Variants in MMEL1 observed in about 807,000 individuals in gnomAD.
MMEL1 encodes membrane metallo-endopeptidase-like 1.
A neutral mutation model predicts 117.1 loss-of-function variants in MMEL1; 98 were observed. The ratio of observed to expected loss-of-function variants is 0.84; its 90% CI spans 0.71 to 0.99. The LOEUF (loss-of-function observed/expected upper bound fraction) is 0.99, where lower values mean the gene tolerates loss of function less well. Ranked by LOEUF, MMEL1 falls within the 50% of genes least tolerant of loss-of-function variation. MMEL1 has a pLI of 0.00. For synonymous variants in MMEL1, 390 were observed against 415.1 expected, an observed-to-expected ratio of 0.94 and a Z score of 0.74; for missense variants, 1,014 against 1,049.1, an observed-to-expected ratio of 0.97 and a Z score of 0.46.
At chr1:2,613,106 T>C (rs756765230) in intron 2 of MMEL1, among the ~76,000 whole-genome samples, 2 of 152,196 alleles carry the variant, frequency 1.3e-5, no homozygotes, top group Admixed American at 6.5e-5. Context: ...GGATGATGAC[T>C]GTGAGCCAGG....
intron 2 of MMEL1, among the ~76,000 whole-genome samples, chr1:2,624,984 G>C (rs1028494955): frequency 2.6e-5 from 4 of 152,152 alleles, no homozygotes; most frequent in Non-Finnish European, 4.4e-5. Context: ...ACCAGATCTC[G>C]TGAGAACTCA....
At chr1:2,614,233 A>G (rs1269674047) in intron 2 of MMEL1, among the ~76,000 whole-genome samples, 1 of 152,276 alleles carries the variant, frequency 6.6e-6, no homozygotes, top group Admixed American at 6.5e-5. Flanking sequence ...GAGACTCAAG[A>G]CAAATGTATA....
In MMEL1 at chr1:2,611,301, G is replaced by T; in HGVS notation, c.272C>A (p.Thr91Asn). 1 of 1,577,834 alleles carries T rather than the reference G, an allele frequency of 6.3e-7. No individual in the cohort carries two copies. Among genetic ancestry groups the T allele is most frequent in the Non-Finnish European group, 8.6e-7 (1 of 1,163,778 alleles). Residue 91 changes from threonine (T) to asparagine (N), a missense_variant, in exon 4 of 24, where the codon ACC (threonine) becomes AAC (asparagine). Thr to Asn is a moderately conservative substitution (Grantham distance 65). Coordinates refer to ENST00000378412, the MANE Select transcript of MMEL1 (RefSeq NM_033467.4). ...EAQEVSEVCT[T>N]PGCVIAAARI... ...CTTACCTGCTATCACGCAGCCAGGG[G>T]TGGTGCAGACCTCGCTCACCTCTTG...
intron 18 of MMEL1, 73 bp from the exon 19 acceptor site, chr1:2,594,006 G>A (rs747698029): frequency 1.7e-5 from 25 of 1,490,498 alleles, no homozygotes; most frequent in Middle Eastern, 1.8e-4. Flanking sequence ...CAGGGATGGC[G>A]CTGCCAGGGG....
rs201230451 is a variant in MMEL1, at chr1:2,592,841, C to T, written c.1993G>A (p.Glu665Lys). ...YGNYSWDLAD[E>K]QNVNGFNTLG... ...CTGGTGGCAGCGCTCACGTTCTGTT[C>T]GTCTGCCAGGTCCCAGGAGTAGTTG... is the stretch of plus-strand genomic sequence containing the variant. The change falls in exon 20 of 24, where the codon GAA (glutamate) becomes AAA (lysine). Residue 665 changes from glutamate (E) to lysine (K), a missense_variant. Physicochemically the swap from Glu to Lys is moderately conservative, Grantham distance 56. Transcript: ENST00000378412. 320 of 1,613,444 alleles carry T rather than the reference C, an allele frequency of 2.0e-4. 3 individuals are homozygous for T. The highest frequency in any genetic ancestry group is 1.3e-4 in the East Asian group (6 of 44,832).
At chr1:2,622,550 A>T (rs1645305724) in intron 2 of MMEL1, among the ~76,000 whole-genome samples, 1 of 152,246 alleles carries the variant, frequency 6.6e-6, no homozygotes, top group South Asian at 2.1e-4. Flanking sequence ...CATATTAAAT[A>T]GTAATGTTGC....
chr1:2,632,020 C>G (rs890148274), intron 1 of MMEL1, among the ~76,000 whole-genome samples: 4 of 152,170 alleles, frequency 2.6e-5, no homozygotes, highest in African/African-American at 9.7e-5. Context: ...ATGTCAGGAC[C>G]CTCTTTGGCC....
At chr1:2,610,920 C>T (rs1483599779) in intron 4 of MMEL1, among the ~76,000 whole-genome samples, 2 of 152,222 alleles carry the variant, frequency 1.3e-5, no homozygotes, top group Admixed American at 6.5e-5. Flanking sequence ...CTGCAAATAG[C>T]GGTACCTGAC....
chr1:2,608,936 T>C (rs575526564), intron 6 of MMEL1, among the ~76,000 whole-genome samples: 2 of 151,874 alleles, frequency 1.3e-5, no homozygotes, highest in African/African-American at 2.4e-5. Context: ...TATACACATA[T>C]ACATACACAA....
At chr1:2,623,177 AAACCAAGTTCTT>A (rs1385011478) in intron 2 of MMEL1, among the ~76,000 whole-genome samples, 1 of 152,190 alleles carries the variant, frequency 6.6e-6, no homozygotes, top group Non-Finnish European at 1.5e-5. Context: ...AAAAAAAAAA[AAACCAAGTTCTT>A]AACGGCAATA....
At chr1:2,610,782 C>T (rs1002196310) in intron 4 of MMEL1, among the ~76,000 whole-genome samples, 1 of 152,242 alleles carries the variant, frequency 6.6e-6, no homozygotes, top group Admixed American at 6.5e-5. Context: ...GCCACTCCAC[C>T]TCTGGGGCTG....
intron 10 of MMEL1, 26 bp downstream of exon 10, chr1:2,604,121 C>CGGG: frequency 3.5e-5 from 52 of 1,468,206 alleles, no homozygotes; most frequent in Non-Finnish European, 4.7e-5. Flanking sequence ...TCGCTGCCCG[C>CGGG]TCCCCACCCG....
At chr1:2,619,957 A>G (rs1206947372) in intron 2 of MMEL1, among the ~76,000 whole-genome samples, 2 of 152,238 alleles carry the variant, frequency 1.3e-5, no homozygotes, top group South Asian at 4.1e-4. Flanking sequence ...GCAGATATGC[A>G]GTGGAAAATG....
At chr1:2,606,167 C>T in intron 8 of MMEL1, 81 bp downstream of exon 8, 2 of 1,148,140 alleles carry the variant, frequency 1.7e-6, no homozygotes, top group East Asian at 2.3e-5. Flanking sequence ...GTCGGCCTGG[C>T]CCATCCTTCT....
rs1474330179 is a variant in MMEL1, at chr1:2,593,777, G to A, written c.1867+37C>T. 5 of 1,559,458 alleles carry A rather than the reference G, an allele frequency of 3.2e-6. No individual in the cohort carries two copies. In the South Asian group the frequency reaches 4.7e-5, roughly 15 times the overall value. On this transcript the variant is annotated intron_variant, in intron 19 of 23. Coordinates refer to ENST00000378412, the MANE Select transcript of MMEL1 (RefSeq NM_033467.4). ...CTTCCTGGCTGCTTCTCCGCGGAGA[G>A]GGGAGGGCGTGTGTGATTGGAGGGG... is the stretch of plus-strand genomic sequence containing the variant.
chr1:2,597,139 G>T (rs1644855597), intron 13 of MMEL1, among the ~76,000 whole-genome samples: 1 of 152,072 alleles, frequency 6.6e-6, no homozygotes, highest in South Asian at 2.1e-4. Flanking sequence ...CTGTCCCCAG[G>T]GACACAGGAG....
rs762060719 is a variant in MMEL1, at chr1:2,596,636, G to A, written c.1326C>T (p.Tyr442=). ...CGGCGTTCTCCATGTTGCTGTTGAC[G>A]TAGCCCACACATTCACGCCAGCGCA... ...EEVRWRECVG[Y]VNSNMENAVG... The change falls in exon 14 of 24, where the codon TAC becomes TAT. Residue 442 remains tyrosine, a synonymous_variant. Transcript: ENST00000378412. 1.1e-5 allele frequency: 18 copies of A among 1,613,128 alleles called. No individual in the cohort carries two copies. The East Asian group carries it at 1.3e-4, about 12-fold the overall frequency.
In MMEL1 at chr1:2,592,009, C is replaced by T; in HGVS notation, c.2086G>A (p.Ala696Thr). Residue 696 changes from alanine (A) to threonine (T), a missense_variant, in exon 22 of 24, where the codon GCA (alanine) becomes ACA (threonine). Physicochemically the swap from Ala to Thr is moderately conservative, Grantham distance 58. Transcript: ENST00000378412. ...QAYKAYLKWM[A>T]EGGKDQQLPG... is the part of the protein sequence containing the mutation. ...AGCTGCTGGTCCTTGCCACCCTCTG[C>T]CATCCACTTGAGGTAGGCCTGCAGG... 1 of 1,613,256 alleles carries T rather than the reference C, an allele frequency of 6.2e-7. No homozygotes were observed. Among genetic ancestry groups the T allele is most frequent in the Non-Finnish European group, 8.5e-7 (1 of 1,179,806 alleles).
chr1:2,604,863 T>A (rs532132437), intron 9 of MMEL1, among the ~76,000 whole-genome samples: 1 of 152,238 alleles, frequency 6.6e-6, no homozygotes, highest in East Asian at 1.9e-4. Flanking sequence ...TTTGAGACAC[T>A]CCAGTCCCTC....
Sources: allele counts gnomAD v4.1 joint callset (sites outside exome capture counted in the v4.1 genomes callset), GRCh38; gene constraint gnomAD v4.1.1; transcripts MANE v1.5; gene names NCBI Gene and HGNC (gene_info 2026-07-23, HGNC 2026-07-21).